The following DGKB variants were observed in gnomAD, a reference collection of about 807,000 sequenced individuals.
The protein encoded by DGKB is diacylglycerol kinase beta.
DGKB carries 67 observed loss-of-function variants against 114.3 expected under a neutral mutation model. The observed-to-expected ratio is 0.59, with a 90% CI of 0.48 to 0.72. The LOEUF (loss-of-function observed/expected upper bound fraction) is 0.72, where lower values mean the gene tolerates loss of function less well. DGKB is among the 30% of genes least tolerant of loss of function. The probability of loss-of-function intolerance (pLI) is 0.00; values close to 1 mark genes in which losing one functional copy is unlikely to be tolerated. For synonymous variants in DGKB, 398 were observed against 323.1 expected (o/e 1.23, Z -2.49); for missense variants, 907 against 975.2 (o/e 0.93, Z 0.93).
intron 23 of DGKB, among the ~76,000 whole-genome samples, chr7:14,331,926 A>T (rs1310685841): frequency 3.3e-5 from 5 of 152,202 alleles, no homozygotes. Context: ...CCAACAGTGC[A>T]TAGAGAGATC....
intron 2 of DGKB, among the ~76,000 whole-genome samples, chr7:14,796,549 C>T (rs532452005): frequency 2.9e-4 from 44 of 152,058 alleles, no homozygotes; most frequent in African/African-American, 8.0e-4. Context: ...ATTCTGAAGA[C>T]AAAAGCATAA....
chr7:14,513,725 A>G (rs1442478209), intron 20 of DGKB, among the ~76,000 whole-genome samples: 2 of 152,050 alleles, frequency 1.3e-5, no homozygotes, highest in Non-Finnish European at 2.9e-5. Context: ...TGTAGGAACT[A>G]TATGTTGTTC....
chr7:14,273,236 C>T lies in DGKB; in HGVS notation c.2122+65279G>A, dbSNP rs543450359. ...TGGGGCAATCCCGTAGTCCCAGCTA[C>T]TCAGGAGGCTGAGGTGGGAGGATTG... is the stretch of plus-strand genomic sequence containing the variant. On this transcript the variant is annotated intron_variant, in intron 23 of 25. Coordinates refer to ENST00000402815, the MANE Select transcript of DGKB (RefSeq NM_001350709.2). Among the ~76,000 whole-genome samples the T allele has an allele frequency of 2.6e-5, 4 of 152,230 alleles. No homozygotes were observed. The South Asian group carries it at 8.3e-4, about 32-fold the overall frequency.
At chr7:14,283,309 A>C (rs978752164) in intron 23 of DGKB, among the ~76,000 whole-genome samples, 1 of 151,366 alleles carries the variant, frequency 6.6e-6, no homozygotes, top group African/African-American at 2.4e-5. Context: ...CTTACAAGGG[A>C]TGTGAAGGAC....
At chr7:14,852,487 C>CAAAAAAAAAAAAACAAAACAAAA in intron 1 of DGKB, among the ~76,000 whole-genome samples, 1 of 63,636 alleles carries the variant, frequency 1.6e-5, no homozygotes, top group Non-Finnish European at 3.0e-5. Context: ...TAGTGAAAGT[C>CAAAAAAAAAAAAACAAAACAAAA]AAAAAAAAAA....
chr7:14,852,783 T>C (rs1849587944), intron 1 of DGKB, among the ~76,000 whole-genome samples: 1 of 152,134 alleles, frequency 6.6e-6, no homozygotes, highest in Non-Finnish European at 1.5e-5. Flanking sequence ...GAAACAGATA[T>C]TTCCTAGAAT....
intron 13 of DGKB, among the ~76,000 whole-genome samples, chr7:14,660,303 G>T (rs982541728): frequency 6.6e-6 from 1 of 151,676 alleles, no homozygotes; most frequent in Non-Finnish European, 1.5e-5. Context: ...GTTTCAGAAG[G>T]AATGGTACCA....
At chr7:14,330,606 A>G (rs1470178331) in intron 23 of DGKB, among the ~76,000 whole-genome samples, 1 of 152,048 alleles carries the variant, frequency 6.6e-6, no homozygotes, top group Non-Finnish European at 1.5e-5. Context: ...ACTGCACACC[A>G]GATTTTTTAA....
At chr7:14,589,579 G>C (rs1477354721) in intron 17 of DGKB, among the ~76,000 whole-genome samples, 5 of 151,798 alleles carry the variant, frequency 3.3e-5, no homozygotes, top group Non-Finnish European at 1.5e-5. Flanking sequence ...AGGTTAACAA[G>C]TTTCTCTTCT....
chr7:14,772,716 C>T (rs1196411885), intron 2 of DGKB, among the ~76,000 whole-genome samples: 1 of 152,054 alleles, frequency 6.6e-6, no homozygotes, highest in Non-Finnish European at 1.5e-5. Flanking sequence ...TTTAATCCTC[C>T]CATTGTTGCT....
intron 21 of DGKB, among the ~76,000 whole-genome samples, chr7:14,399,659 G>T (rs1460293086): frequency 6.6e-6 from 1 of 151,752 alleles, no homozygotes; most frequent in Non-Finnish European, 1.5e-5. Context: ...TGAGATAAAA[G>T]AAAACTTAGA....
chr7:14,886,600 T>C (rs1855090933), intron 1 of DGKB, among the ~76,000 whole-genome samples: 1 of 151,834 alleles, frequency 6.6e-6, no homozygotes, highest in Non-Finnish European at 1.5e-5. Flanking sequence ...TCTTGTCAAT[T>C]TCACTTCATA....
chr7:14,631,839 T>C (rs1288275693), intron 13 of DGKB, among the ~76,000 whole-genome samples: 1 of 152,026 alleles, frequency 6.6e-6, no homozygotes, highest in African/African-American at 2.4e-5. Context: ...ATCTTTATCA[T>C]AATATATACA....
intron 23 of DGKB, among the ~76,000 whole-genome samples, chr7:14,305,338 G>A (rs1478785812): frequency 6.6e-6 from 1 of 152,144 alleles, no homozygotes; most frequent in Non-Finnish European, 1.5e-5. Context: ...ACCTCCATGA[G>A]ATCAATTTTT....
chr7:14,210,427 T>A (rs997916637), intron 23 of DGKB, among the ~76,000 whole-genome samples: 3 of 152,110 alleles, frequency 2.0e-5, no homozygotes, highest in South Asian at 2.1e-4. Flanking sequence ...TACTTACATA[T>A]CCATGTGCAC....
chr7:14,286,138 C>T (rs141945852), intron 23 of DGKB, among the ~76,000 whole-genome samples: 2 of 152,170 alleles, frequency 1.3e-5, no homozygotes, highest in South Asian at 2.1e-4. Context: ...CCTCAACCAG[C>T]GGCTGTCTGT....
chr7:14,637,534 G>GTA (rs779983979), intron 13 of DGKB, among the ~76,000 whole-genome samples: 42 of 150,022 alleles, frequency 2.8e-4, no homozygotes, highest in East Asian at 2.0e-3. Context: ...ATATATGTGT[G>GTA]TATATATATA....
chr7:14,888,775 G>A (rs891508538), intron 1 of DGKB, among the ~76,000 whole-genome samples: 1 of 151,662 alleles, frequency 6.6e-6, no homozygotes, highest in African/African-American at 2.4e-5. Flanking sequence ...GTGAAATTAA[G>A]TTTCAAAGTT....
At chr7:14,366,285 G>C (rs1816663052) in intron 21 of DGKB, among the ~76,000 whole-genome samples, 1 of 152,032 alleles carries the variant, frequency 6.6e-6, no homozygotes, top group Non-Finnish European at 1.5e-5. Context: ...AAACTGAGAA[G>C]ACAGACAAAT....
Sources: allele counts gnomAD v4.1 joint callset (sites outside exome capture counted in the v4.1 genomes callset), GRCh38; gene constraint gnomAD v4.1.1; transcripts MANE v1.5; gene names NCBI Gene and HGNC (gene_info 2026-07-23, HGNC 2026-07-21).